Variants in ADGRV1 observed in about 807,000 individuals in gnomAD.
ADGRV1 encodes the protein G-protein coupled receptor 98.
A neutral mutation model predicts 596.2 loss-of-function variants in ADGRV1; 359 were observed. The ratio of observed to expected loss-of-function variants is 0.60; its 90% CI spans 0.55 to 0.66. The LOEUF (loss-of-function observed/expected upper bound fraction) is 0.66, where lower values mean the gene tolerates loss of function less well. ADGRV1 is among the 30% of genes least tolerant of loss of function. The probability of loss-of-function intolerance (pLI) is 0.00; values close to 1 mark genes in which losing one functional copy is unlikely to be tolerated. For missense variants in ADGRV1, 7,274 were observed against 7,575.6 expected (o/e 0.96, Z 1.48); for synonymous variants, 2,681 against 2,679.2 (o/e 1.00, Z -0.02).
Position 90,784,110 on chromosome 5 carries a change from G to T in ADGRV1, c.13653+53G>T, listed in dbSNP as rs542590862. ...ATATAATTTTTGATAGACTGAGTAT[G>T]GTAGTGTGTTTTCTCATTGCCCAAG... On this transcript the variant is annotated intron_variant, in intron 67 of 89. Transcript: ENST00000405460. 3.1e-5 allele frequency: 36 copies of T among 1,176,638 alleles called. No individual in the cohort carries two copies. The East Asian group carries it at 5.0e-4, about 16-fold the overall frequency. The allele number at this position is 1,176,638 out of a possible 1,614,324, so 72.9% of individuals were successfully genotyped here.
At chr5:90,558,945 C>T (rs1171771847) in intron 1 of ADGRV1, 28 bp downstream of exon 1, 1 of 1,548,130 alleles carries the variant, frequency 6.5e-7, no homozygotes, top group Non-Finnish European at 8.7e-7. Flanking sequence ...GGTGGTGCTG[C>T]GAGCATCGCT....
intron 83 of ADGRV1, among the ~76,000 whole-genome samples, chr5:90,963,455 T>C (rs568311586): frequency 1.3e-5 from 2 of 152,112 alleles, no homozygotes; most frequent in Non-Finnish European, 2.9e-5. Flanking sequence ...TGGTGCATTC[T>C]AGAAAGGTGA....
chr5:90,753,382 C>A (rs1755479450), intron 53 of ADGRV1, among the ~76,000 whole-genome samples, 192 bp from the exon 54 acceptor site: 1 of 151,934 alleles, frequency 6.6e-6, no homozygotes, highest in Middle Eastern at 3.4e-3. Flanking sequence ...AAATGGTTTG[C>A]TCTTCCTTTT....
intron 58 of ADGRV1, among the ~76,000 whole-genome samples, chr5:90,761,165 G>T (rs951425795): frequency 2.0e-5 from 3 of 151,512 alleles, no homozygotes; most frequent in Non-Finnish European, 4.4e-5. Context: ...GCCTGCAAGG[G>T]CTGGACTTCC....
intron 2 of ADGRV1, chr5:90,617,569 A>C (rs777113182): frequency 6.3e-5 from 20 of 318,406 alleles, no homozygotes; most frequent in Non-Finnish European, 1.1e-4. Flanking sequence ...CGGCCTCCCA[A>C]AGTGCTGGGA....
intron 1 of ADGRV1, among the ~76,000 whole-genome samples, chr5:90,594,165 T>C (rs192123745): frequency 7.1e-4 from 108 of 152,308 alleles, no homozygotes; most frequent in African/African-American, 2.3e-3. Flanking sequence ...TTTGTTATGG[T>C]GTGGCTGTGT....
intron 83 of ADGRV1, among the ~76,000 whole-genome samples, chr5:90,943,279 T>C (rs1395049744): frequency 1.3e-5 from 2 of 152,140 alleles, no homozygotes; most frequent in Admixed American, 6.5e-5. Context: ...TTCTGAGATA[T>C]GGGATGTAGT....
At chr5:90,599,081 C>A (rs1179381364) in intron 1 of ADGRV1, among the ~76,000 whole-genome samples, 2 of 152,066 alleles carry the variant, frequency 1.3e-5, no homozygotes, top group East Asian at 1.9e-4. Flanking sequence ...CCATAAAAAA[C>A]CCCCAAAGAG....
At position 90,766,274 on chromosome 5, in the gene ADGRV1, T is replaced by C. The variant is rs1757136040; in HGVS notation, c.12285+2805T>C. 2.0e-5 allele frequency among the ~76,000 whole-genome samples: 3 copies of C among 151,894 alleles called. No homozygotes were observed. The South Asian group carries it at 6.2e-4, about 32-fold the overall frequency. Reference sequence around the variant, plus strand: ...CCATCAAAACTACCCCTCTCTCACATTTTTCCTCTTCTGATTGAAGGCAAA... The same window carrying C: ...CCATCAAAACTACCCCTCTCTCACACTTTTCCTCTTCTGATTGAAGGCAAA... On this transcript the variant is annotated intron_variant, in intron 59 of 89. Transcript: ENST00000405460.
intron 89 of ADGRV1, among the ~76,000 whole-genome samples, chr5:91,159,782 C>T (rs1389716339): frequency 6.6e-6 from 1 of 151,986 alleles, no homozygotes; most frequent in Non-Finnish European, 1.5e-5. Flanking sequence ...GGAACAGTCA[C>T]CCTGGGACAG....
chr5:90,902,504 C>T (rs908067806), intron 83 of ADGRV1, among the ~76,000 whole-genome samples: 2 of 152,102 alleles, frequency 1.3e-5, no homozygotes, highest in Non-Finnish European at 2.9e-5. Flanking sequence ...TTGGACAATA[C>T]CTGTTTCCAT....
Position 90,674,165 on chromosome 5 carries a change from A to C in ADGRV1, c.5041A>C (p.Ser1681Arg), listed in dbSNP as rs375085167. Residue 1681 changes from serine (S) to arginine (R), a missense_variant, in exon 23 of 90, where the codon AGT becomes CGT. Ser to Arg is a moderately radical substitution (Grantham distance 110). Coordinates refer to ENST00000405460, the MANE Select transcript of ADGRV1 (RefSeq NM_032119.4). ...GDGKLGSTPT[S>R]GASIDPEKET... ...TGGGAAGCTAGGCTCAACTCCTACC[A>C]GTGGTGCAAGCATAGATCCTGAAAA... 27 of 1,612,288 alleles carry C rather than the reference A, an allele frequency of 1.7e-5. No individual in the cohort carries two copies. Among genetic ancestry groups the C allele is most frequent in the Non-Finnish European group, 2.1e-5 (25 of 1,179,098 alleles).
At chr5:90,838,861 G>A (rs1385775485) in intron 77 of ADGRV1, among the ~76,000 whole-genome samples, 1 of 151,098 alleles carries the variant, frequency 6.6e-6, no homozygotes, top group South Asian at 2.1e-4. Context: ...CCCTCATCTC[G>A]AAAAAAAACC....
chr5:90,778,630 G>A, intron 63 of ADGRV1, 21 bp downstream of exon 63: 1 of 1,487,342 alleles, frequency 6.7e-7, no homozygotes, highest in Non-Finnish European at 9.0e-7. Flanking sequence ...AAATGCTTAA[G>A]ATTTTAATAT....
chr5:90,701,977 C>A (rs1747964396), intron 34 of ADGRV1, among the ~76,000 whole-genome samples: 1 of 125,612 alleles, frequency 8.0e-6, no homozygotes, highest in African/African-American at 3.0e-5. Context: ...TCTTTTTGAA[C>A]CATTAACAAA....
rs115813839 is a variant in ADGRV1 at position 90,953,006 on chromosome 5, C to T, written c.17857-12409C>T. The stretch of plus-strand genomic sequence containing the variant: ...ATTCATTGAAAAGACCACAATTTTA[C>T]TCACCAGTGAGGTTCATTGGTTAGC... On this transcript the variant is annotated intron_variant, in intron 83 of 89. Coordinates refer to ENST00000405460, the MANE Select transcript of ADGRV1 (RefSeq NM_032119.4). Among the ~76,000 whole-genome samples, 535 of 152,240 alleles carry T rather than the reference C, an allele frequency of 3.5e-3. 4 individuals carry two copies. Among genetic ancestry groups the T allele is most frequent in the African/African-American group, 0.012 (516 of 41,580 alleles).
chr5:91,046,833 A>G (rs1035787502), intron 85 of ADGRV1, among the ~76,000 whole-genome samples: 8 of 152,270 alleles, frequency 5.3e-5, no homozygotes, highest in Middle Eastern at 3.4e-3. Flanking sequence ...AAGACAAACA[A>G]TCCCATCCAA....
At chr5:90,929,883 G>T (rs1053482845) in intron 83 of ADGRV1, among the ~76,000 whole-genome samples, 1 of 152,190 alleles carries the variant, frequency 6.6e-6, no homozygotes, top group South Asian at 2.1e-4. Flanking sequence ...GTAAATGACT[G>T]TATCCTACAG....
At chr5:90,725,265 T>A in intron 47 of ADGRV1, 33 bp downstream of exon 47, 7 of 1,191,286 alleles carry the variant, frequency 5.9e-6, no homozygotes, top group Non-Finnish European at 8.0e-6. Context: ...ATAGATTACT[T>A]TCTTTAAAAG....
Sources: gnomAD v4.1 joint callset for allele counts (sites outside exome capture counted in the v4.1 genomes callset) on GRCh38, gnomAD v4.1.1 for gene constraint, MANE v1.5 for transcripts, NCBI Gene and HGNC (gene_info 2026-07-23, HGNC 2026-07-21) for gene names.